Variants in DZANK1 observed in about 807,000 individuals in gnomAD.
DZANK1 encodes the protein double zinc ribbon and ankyrin repeat domains 1, also known as double zinc ribbon and ankyrin repeat-containing protein 1.
In DZANK1, 91 loss-of-function variants were observed where a neutral mutation model predicts 94.5. That is an observed-to-expected ratio of 0.96 (90% CI 0.81 to 1.15). The LOEUF is 1.15. Ranked by LOEUF, DZANK1 falls within the 50% of genes most tolerant of loss-of-function variation. The pLI, the probability that DZANK1 is intolerant of heterozygous loss-of-function variation, is 0.00. For synonymous variants in DZANK1, 312 were observed against 325.3 expected (o/e 0.96, Z 0.44); for missense variants, 903 against 916.4 (o/e 0.99, Z 0.19).
intron 13 of DZANK1, among the ~76,000 whole-genome samples, chr20:18,407,421 G>A (rs1055870930): frequency 1.3e-5 from 2 of 152,196 alleles, no homozygotes; most frequent in Non-Finnish European, 2.9e-5. Flanking sequence ...AAGTCCCTTC[G>A]AATACCTGGA....
chr20:18,452,388 T>A (rs1324156586), intron 6 of DZANK1, among the ~76,000 whole-genome samples: 2 of 152,328 alleles, frequency 1.3e-5, no homozygotes, highest in African/African-American at 4.8e-5. Context: ...ACCACCATTT[T>A]AAATTTTCTG....
intron 9 of DZANK1, among the ~76,000 whole-genome samples, chr20:18,427,823 C>T (rs1445659024): frequency 6.6e-6 from 1 of 152,126 alleles, no homozygotes; most frequent in East Asian, 1.9e-4. Context: ...GTAGTTTTTA[C>T]TTAGAAATAG....
At chr20:18,414,238 T>C (rs1385404039) in intron 12 of DZANK1, 110 bp downstream of exon 12, 2 of 1,280,112 alleles carry the variant, frequency 1.6e-6, no homozygotes, top group Non-Finnish European at 2.1e-6. Context: ...CATGTGAAAG[T>C]TCTAAAAGTT....
intron 10 of DZANK1, among the ~76,000 whole-genome samples, chr20:18,425,260 AG>A (rs1189552903): frequency 1.3e-5 from 2 of 152,230 alleles, no homozygotes; most frequent in East Asian, 3.8e-4. Flanking sequence ...CGACATTAAA[AG>A]GTATCTTGTC....
At chr20:18,389,731 C>T in exon 19 of DZANK1, 13 of 1,613,954 alleles carry the variant, frequency 8.1e-6, no homozygotes, top group Non-Finnish European at 1.0e-5. Context: ...GTCTGCTCCT[C>T]TCTGCACGAG....
chr20:18,454,914 G>C (rs565330742), intron 4 of DZANK1, among the ~76,000 whole-genome samples: 4 of 152,344 alleles, frequency 2.6e-5, no homozygotes, highest in African/African-American at 9.6e-5. Flanking sequence ...GTAGGGGGTT[G>C]ACAGACCAGG....
At chr20:18,396,918 G>A (rs1023432138) in intron 14 of DZANK1, among the ~76,000 whole-genome samples, 3 of 152,194 alleles carry the variant, frequency 2.0e-5, no homozygotes, top group African/African-American at 7.2e-5. Context: ...AGGGGGCGGG[G>A]ACAGGGCTTG....
rs2057792405 is a variant in DZANK1, at chr20:18,421,767, A to C, written c.954+5300T>G. Among the ~76,000 whole-genome samples the C allele has an allele frequency of 2.0e-5, 3 of 152,122 alleles. No individual in the cohort carries two copies. In the South Asian group the frequency reaches 6.2e-4, roughly 32 times the overall value. On this transcript the variant is annotated intron_variant, in intron 10 of 20. Coordinates refer to ENST00000262547, the Ensembl canonical transcript of DZANK1. ...AAAAATCTCTCCCTGGGTGGCTTGC[A>C]ATGCTCAGCTGGATTTGCAGGTGCC...
chr20:18,455,313 A>T lies in DZANK1; in HGVS notation c.312T>A (p.Tyr104Ter). The change falls in exon 4 of 21, where the codon TAT (tyrosine) becomes TAA (stop). Residue 104 changes from tyrosine to a stop codon, truncating the protein, a stop_gained. Transcript: ENST00000262547. LOFTEE classifies it high-confidence loss of function. The stretch of plus-strand genomic sequence containing the variant: ...CAGGAGAGACTATATTTGGTGGTTC[A>T]TAGTCTACGTGAAACACCTTTGTCA... 6.2e-7 allele frequency: 1 copy of T among 1,609,574 alleles called. No individual in the cohort carries two copies. The highest frequency in any genetic ancestry group is 8.5e-7 in the Non-Finnish European group (1 of 1,177,648).
chr20:18,429,814 C>G (rs905599315), intron 9 of DZANK1, among the ~76,000 whole-genome samples: 7 of 152,214 alleles, frequency 4.6e-5, no homozygotes, highest in African/African-American at 1.7e-4. Flanking sequence ...TCACTTCTTT[C>G]TAGAGCAGTG....
chr20:18,455,380 A>C lies in DZANK1; in HGVS notation c.264-19T>G. 2 of 1,541,836 alleles carry C rather than the reference A, an allele frequency of 1.3e-6. No individual in the cohort carries two copies. Among genetic ancestry groups the C allele is most frequent in the Non-Finnish European group, 1.8e-6 (2 of 1,133,344 alleles). On this transcript the variant is annotated intron_variant, in intron 3 of 20. Transcript: ENST00000262547. ...GCAGTCTCTGAAAATTATTATTAAG[A>C]AAGGAAAAAGTCTGTGTTACACAAA...
intron 10 of DZANK1, among the ~76,000 whole-genome samples, chr20:18,419,355 T>G (rs994226485): frequency 6.9e-6 from 1 of 145,514 alleles, no homozygotes; most frequent in African/African-American, 2.6e-5. Context: ...AGACGGAGAG[T>G]AGAAAATGAG....
intron 13 of DZANK1, among the ~76,000 whole-genome samples, chr20:18,409,585 A>ACACACC (rs1568917993): frequency 9.0e-6 from 1 of 111,490 alleles, no homozygotes; most frequent in Non-Finnish European, 2.1e-5. Context: ...CACACACACC[A>ACACACC]CCACCACCAC....
chr20:18,433,960 A>G (rs117242486), intron 8 of DZANK1, 195 bp from the exon 9 acceptor site: 1 of 547,348 alleles, frequency 1.8e-6, no homozygotes, highest in East Asian at 2.9e-5. Context: ...TTGTAAAACA[A>G]TTTTTTAAAT....
intron 3 of DZANK1, among the ~76,000 whole-genome samples, chr20:18,456,306 G>A (rs1449802999): frequency 6.6e-6 from 1 of 152,138 alleles, no homozygotes; most frequent in Non-Finnish European, 1.5e-5. Flanking sequence ...CTCTGATGCA[G>A]TAAGAGCTTC....
intron 2 of DZANK1, among the ~76,000 whole-genome samples, chr20:18,463,945 C>T (rs2059557879): frequency 6.6e-6 from 1 of 152,010 alleles, no homozygotes; most frequent in Admixed American, 6.5e-5. Context: ...ACCTGTGAAA[C>T]TTTCCTTCCT....
At chr20:18,428,165 GAA>G (rs932902415) in intron 9 of DZANK1, among the ~76,000 whole-genome samples, 1 of 147,780 alleles carries the variant, frequency 6.8e-6, no homozygotes, top group Non-Finnish European at 1.5e-5. Flanking sequence ...AAAAAAAAAA[GAA>G]AGAGAGTGGT....
intron 2 of DZANK1, among the ~76,000 whole-genome samples, chr20:18,462,228 C>A (rs1201574943): frequency 1.3e-5 from 2 of 151,856 alleles, no homozygotes; most frequent in African/African-American, 2.4e-5. Flanking sequence ...ATCCCCTGTA[C>A]CTAGAATGGT....
At chr20:18,384,173 C>G (rs930804748) in exon 21 of DZANK1, 1 of 340,016 alleles carries the variant, frequency 2.9e-6, no homozygotes, top group Admixed American at 4.6e-5. Context: ...GATTTTCCTG[C>G]CTCAGCCTCT....
Sources: allele counts gnomAD v4.1 joint callset (sites outside exome capture counted in the v4.1 genomes callset), GRCh38; gene constraint gnomAD v4.1.1; transcripts MANE v1.5; gene names NCBI Gene and HGNC (gene_info 2026-07-23, HGNC 2026-07-21).